The following SHH variants were observed in gnomAD, a reference collection of about 807,000 sequenced individuals.
The protein encoded by SHH is sonic hedgehog protein.
In SHH, 3 loss-of-function variants were observed where a neutral mutation model predicts 16.6. The ratio of observed to expected loss-of-function variants is 0.18; its 90% CI spans 0.08 to 0.47. The LOEUF (loss-of-function observed/expected upper bound fraction) is 0.47. Ranked by LOEUF, SHH falls within the 20% of genes least tolerant of loss-of-function variation. The pLI is 0.98. For missense variants in SHH, 499 were observed against 665.0 expected (o/e 0.75, Z 2.75); for synonymous variants, 351 against 316.2 (o/e 1.11, Z -1.17).
chr7:155,810,070 GC>G (rs911386452), intron 1 of SHH, among the ~76,000 whole-genome samples: 1 of 152,124 alleles, frequency 6.6e-6, no homozygotes, highest in African/African-American at 2.4e-5. Context: ...GAGCAGCAGA[GC>G]CCGGCGGCTC....
In SHH at chr7:155,802,713, CACA is replaced by C. The variant is rs1803214921; in HGVS notation, c.*184_*186del. 1 of 411,052 alleles carries C rather than the reference CACA, an allele frequency of 2.4e-6. No homozygotes were observed. The highest frequency in any genetic ancestry group is 2.1e-5 in the African/African-American group (1 of 48,742). The allele number at this position is 411,052 out of a possible 1,614,324, so 25.5% of individuals were successfully genotyped here. The stretch of plus-strand genomic sequence containing the variant: ...ATTCAAAAAATATATATCAACTAAG[CACA>C]ACAACAAAACTTCCCGGGGTCCTTG... On this transcript the variant is annotated 3_prime_UTR_variant, in exon 3 of 3. Coordinates refer to ENST00000297261, the MANE Select transcript of SHH (RefSeq NM_000193.4).
rs977679151 is a variant in SHH, at chr7:155,807,612, G to T, written c.301-1055C>A. 5.9e-5 allele frequency among the ~76,000 whole-genome samples: 9 copies of T among 152,200 alleles called. No individual in the cohort carries two copies. Among genetic ancestry groups the T allele is most frequent in the African/African-American group, 2.2e-4 (9 of 41,448 alleles). On this transcript the variant is annotated intron_variant, in intron 1 of 2. Coordinates refer to ENST00000297261, the MANE Select transcript of SHH (RefSeq NM_000193.4). This position sits in a 1 kb window ranked among gnomAD's most constrained non-coding sequence, Gnocchi z 7.1. ...ATTGTGGGGGTTCCCCTGGAATTCT[G>T]GGGTCACCCTCAGATAAGGATGCGA...
intron 1 of SHH, 42 bp downstream of exon 1, chr7:155,811,781 C>A (rs200944712): frequency 1.8e-5 from 28 of 1,596,604 alleles, no homozygotes; most frequent in Admixed American, 1.0e-4. Flanking sequence ...TCGTAACCCC[C>A]TGGAAAGCCA....
chr7:155,806,566 A>G lies in SHH; in HGVS notation c.301-9T>C. ...AACTTGTCCTTACACCTCTGCGAAG[A>G]CAAGGGGACCCCCACCGACGGACAC... On this transcript the variant is annotated splice_polypyrimidine_tract_variant and intron_variant, in intron 1 of 2. Coordinates refer to ENST00000297261, the MANE Select transcript of SHH (RefSeq NM_000193.4). 1 of 1,610,360 alleles carries G rather than the reference A, an allele frequency of 6.2e-7. No homozygotes were observed. Among genetic ancestry groups the G allele is most frequent in the Non-Finnish European group, 8.5e-7 (1 of 1,180,018 alleles).
At position 155,803,587 on chromosome 7, in the gene SHH, G is replaced by C. The variant is rs1324122120; in HGVS notation, c.702C>G (p.Leu234=). ...VLAADDQGRL[L]YSDFLTFLDR... The stretch of plus-strand genomic sequence containing the variant: ...CCAGGAAAGTGAGGAAGTCGCTGTA[G>C]AGCAGCCGGCCCTGGTCGTCCGCCG... The change falls in exon 3 of 3, where the codon CTC becomes CTG. Residue 234 remains leucine, a synonymous_variant. Coordinates refer to ENST00000297261, the MANE Select transcript of SHH (RefSeq NM_000193.4). The C allele has an allele frequency of 1.9e-6, 3 of 1,598,366 alleles. No individual in the cohort carries two copies. The highest frequency in any genetic ancestry group is 3.3e-5 in the Admixed American group (2 of 59,870).
rs1043362738 is a variant in SHH, at chr7:155,802,491, G to T, written c.*409C>A. On this transcript the variant is annotated 3_prime_UTR_variant, in exon 3 of 3. Transcript: ENST00000297261. The stretch of plus-strand genomic sequence containing the variant: ...GGACATGTAGAAAAATAGACTCTGA[G>T]CAGGTTGCTTGGCCTCACAAAATAA... The T allele has an allele frequency of 6.4e-6, 1 of 155,774 alleles. No homozygotes were observed. The highest frequency in any genetic ancestry group is 1.4e-5 in the Non-Finnish European group (1 of 70,566). 9.6% of individuals were successfully genotyped at this position (155,774 alleles called of 1,614,324 possible).
rs1207422717 is a variant in SHH at position 155,803,133 on chromosome 7, G to C, written c.1156C>G (p.Leu386Val). 7 of 1,407,762 alleles carry C rather than the reference G, an allele frequency of 5.0e-6. No individual in the cohort carries two copies. The highest frequency in any genetic ancestry group is 6.5e-6 in the Non-Finnish European group (7 of 1,076,926). 87.2% of individuals were successfully genotyped at this position (1,407,762 alleles called of 1,614,324 possible). The change falls in exon 3 of 3, where the codon CTC becomes GTC. Residue 386 changes from leucine (L) to valine (V), a missense_variant. By Grantham distance (32) the Leu-to-Val change is conservative (BLOSUM62 1). Around this residue, in one of 4 missense-constraint regions of SHH, gnomAD observed 299 missense variants for 301.1 expected, o/e 0.99. Transcript: ENST00000297261. ...CGCGCGGGCGCCAGTGCAGCCAGGAGCGCGTGCGCCAGGCGGAAGGGCGCG... is the reference window on the plus strand; with the variant it reads ...CGCGCGGGCGCCAGTGCAGCCAGGACCGCGTGCGCCAGGCGGAAGGGCGCG... ...AFAPFRLAHA[L>V]LAALAPARTD...
chr7:155,809,683 C>G lies in SHH; in HGVS notation c.300+2140G>C, dbSNP rs1037064846. 4.6e-5 allele frequency among the ~76,000 whole-genome samples: 7 copies of G among 152,070 alleles called. No individual in the cohort carries two copies. The highest frequency in any genetic ancestry group is 7.4e-5 in the Non-Finnish European group (5 of 68,000). On this transcript the variant is annotated intron_variant, in intron 1 of 2. Coordinates refer to ENST00000297261, the MANE Select transcript of SHH (RefSeq NM_000193.4). This position sits in a 1 kb window ranked among gnomAD's most constrained non-coding sequence, Gnocchi z 6.1. ...GTGTTGGGAACGGGAATAGCCACTG[C>G]CCAAGGAAAAAAGTATTTGTTTTCG...
In SHH at chr7:155,800,106, C is replaced by T. The variant is rs1422389145; in HGVS notation, c.*2794G>A. On this transcript the variant is annotated 3_prime_UTR_variant, in exon 3 of 3. Coordinates refer to ENST00000297261, the MANE Select transcript of SHH (RefSeq NM_000193.4). ...TAGTCATGAGGGAGGCTGGCAGCAA[C>T]CACCATGCATACATTTTGCACAAAC... 2.1e-6 allele frequency: 1 copy of T among 471,570 alleles called. No homozygotes were observed. The highest frequency in any genetic ancestry group is 2.3e-5 in the Admixed American group (1 of 42,576). 29.2% of individuals were successfully genotyped at this position (471,570 alleles called of 1,614,324 possible).
Position 155,807,246 on chromosome 7 carries a change from GC to G in SHH, c.301-690del, listed in dbSNP as rs1318526667. 6.4e-6 allele frequency: 1 copy of G among 157,070 alleles called. No homozygotes were observed. The highest frequency in any genetic ancestry group is 1.4e-5 in the Non-Finnish European group (1 of 70,772). The allele number at this position is 157,070 out of a possible 1,614,324, so 9.7% of individuals were successfully genotyped here. On this transcript the variant is annotated intron_variant, in intron 1 of 2. Coordinates refer to ENST00000297261, the MANE Select transcript of SHH (RefSeq NM_000193.4). The surrounding 1 kb of genome is among the most constrained non-coding windows in gnomAD (Gnocchi z 7.1). Reference sequence around the variant, plus strand: ...GTTGCCACTTGCAGCACAGGCCGGGGCCGGGACAGACATTCTTTATCTGGAC... The same window carrying G: ...GTTGCCACTTGCAGCACAGGCCGGGGCGGGACAGACATTCTTTATCTGGAC...
chr7:155,806,174 A>T (rs1389130801), intron 2 of SHH, 122 bp downstream of exon 2: 5 of 1,268,522 alleles, frequency 3.9e-6, no homozygotes, highest in Non-Finnish European at 5.7e-6. Context: ...AAACGCAGTC[A>T]TCGCCCAGCG....
intron 2 of SHH, 119 bp from the exon 3 acceptor site, chr7:155,803,845 G>T: frequency 1.2e-6 from 1 of 833,212 alleles, no homozygotes; most frequent in Non-Finnish European, 1.9e-6. Context: ...GGGTGCGCAA[G>T]GCGCGGGGCG....
chr7:155,806,214 A>C lies in SHH; in HGVS notation c.562+82T>G. On this transcript the variant is annotated intron_variant, in intron 2 of 2. Transcript: ENST00000297261. ...TGCTCCTGGCCCTCAGCCTCCCCCCAGGTTTCTTTTTCTCTTGAATCAAGC... is the reference window on the plus strand; with the variant it reads ...TGCTCCTGGCCCTCAGCCTCCCCCCCGGTTTCTTTTTCTCTTGAATCAAGC... 3 of 1,560,478 alleles carry C rather than the reference A, an allele frequency of 1.9e-6. No homozygotes were observed. In the South Asian group the frequency reaches 3.3e-5, roughly 17 times the overall value.
Position 155,812,078 on chromosome 7 carries a change from C to CGAG in SHH, c.42_44dup (p.Ser15dup). 1 of 1,614,204 alleles carries CGAG rather than the reference C, an allele frequency of 6.2e-7. No individual in the cohort carries two copies. Among genetic ancestry groups the CGAG allele is most frequent in the South Asian group, 1.1e-5 (1 of 91,088 alleles). ...ACGCCAGTCCCGAGCATACCAGCAGCGAGGAGACGAGGACTAGCAGCAGAC... is the reference window on the plus strand; with the variant it reads ...ACGCCAGTCCCGAGCATACCAGCAGCGAGGAGGAGACGAGGACTAGCAGCAGAC... On this transcript the variant is annotated inframe_insertion, in exon 1 of 3. Coordinates refer to ENST00000297261, the MANE Select transcript of SHH (RefSeq NM_000193.4).
intron 1 of SHH, 38 bp downstream of exon 1, chr7:155,811,785 A>G: frequency 2.5e-6 from 4 of 1,603,844 alleles, no homozygotes; most frequent in Non-Finnish European, 3.4e-6. Flanking sequence ...AACCCCCTGG[A>G]AAGCCACACA....
Position 155,801,920 on chromosome 7 carries a change from G to T in SHH, c.*980C>A, listed in dbSNP as rs113260057. ...AAATACATTTTAGTAAATTTACAGC[G>T]TTATTTCTCAATTTATTAATGCAAA... On this transcript the variant is annotated 3_prime_UTR_variant, in exon 3 of 3. Coordinates refer to ENST00000297261, the MANE Select transcript of SHH (RefSeq NM_000193.4). 1 of 152,088 alleles carries T rather than the reference G, an allele frequency of 6.6e-6. No individual in the cohort carries two copies. The highest frequency in any genetic ancestry group is 6.5e-5 in the Admixed American group (1 of 15,268). 9.4% of individuals were successfully genotyped at this position (152,088 alleles called of 1,614,324 possible).
At position 155,812,290 on chromosome 7, in the gene SHH, T is replaced by A; in HGVS notation, c.-168A>T. ...CTGCCTCGCTCTTTCTCTTCCTATA[T>A]AACCTTGCCCGCCGCGGCTGCGGGG... On this transcript the variant is annotated 5_prime_UTR_variant, in exon 1 of 3. Transcript: ENST00000297261. The A allele has an allele frequency of 1.5e-6, 1 of 686,174 alleles. No homozygotes were observed. Among genetic ancestry groups the A allele is most frequent in the Non-Finnish European group, 2.6e-6 (1 of 387,598 alleles). 42.5% of individuals were successfully genotyped at this position (686,174 alleles called of 1,614,324 possible).
intron 2 of SHH, 54 bp from the exon 3 acceptor site, chr7:155,803,780 G>A (rs921921788): frequency 1.3e-6 from 2 of 1,483,308 alleles, no homozygotes; most frequent in East Asian, 2.3e-5. Context: ...GTTCCGAGAG[G>A]GAGGCGCGTC....
intron 2 of SHH, among the ~76,000 whole-genome samples, chr7:155,804,262 C>T (rs1803289351): frequency 6.6e-6 from 1 of 151,794 alleles, no homozygotes; most frequent in Non-Finnish European, 1.5e-5. Context: ...GCCCGCAGCA[C>T]CCTGCCGCGC....
Sources: allele counts gnomAD v4.1 joint callset (sites outside exome capture counted in the v4.1 genomes callset), GRCh38; gene constraint gnomAD v4.1.1; regional missense constraint gnomAD v4.1.1; non-coding constraint Gnocchi (gnomAD v3.1); transcripts MANE v1.5; gene names NCBI Gene and HGNC (gene_info 2026-07-23, HGNC 2026-07-21).